Variants in NKAIN2 observed in about 807,000 individuals in gnomAD.
NKAIN2 encodes sodium/potassium transporting ATPase interacting 2.
In NKAIN2, 14 loss-of-function variants were observed where a neutral mutation model predicts 32.6. The ratio of observed to expected loss-of-function variants is 0.43; its 90% CI spans 0.28 to 0.67. NKAIN2 has a LOEUF of 0.67. Ranked by LOEUF, NKAIN2 falls within the 30% of genes least tolerant of loss-of-function variation. NKAIN2 has a pLI of 0.17. For missense variants in NKAIN2, 198 were observed against 258.3 expected (o/e 0.77, Z 1.60); for synonymous variants, 80 against 87.2 (o/e 0.92, Z 0.46).
chr6:123,886,499 CAG>C (rs1349242646), intron 1 of NKAIN2, among the ~76,000 whole-genome samples: 1 of 152,040 alleles, frequency 6.6e-6, no homozygotes, highest in Non-Finnish European at 1.5e-5. Flanking sequence ...AAGGAAAATG[CAG>C]AATGCATCAA....
chr6:124,446,337 TTTTG>T (rs71021492), intron 3 of NKAIN2, among the ~76,000 whole-genome samples: 36,251 of 151,104 alleles, frequency 0.24, 4,780 homozygotes, highest in Middle Eastern at 0.31. Context: ...TATATAAGTT[TTTTG>T]TTTGTTTGTT....
intron 4 of NKAIN2, among the ~76,000 whole-genome samples, chr6:124,730,799 G>T (rs967962345): frequency 4.6e-5 from 7 of 151,708 alleles, no homozygotes; most frequent in Non-Finnish European, 7.4e-5. Context: ...GAAAATTTTT[G>T]CAACCTACTC....
At chr6:123,840,886 G>A (rs1227473494) in intron 1 of NKAIN2, among the ~76,000 whole-genome samples, 1 of 152,090 alleles carries the variant, frequency 6.6e-6, no homozygotes, top group African/African-American at 2.4e-5. Flanking sequence ...ACTTTTCAAA[G>A]TGTAGTCTAG....
At chr6:124,433,634 A>C (rs1016204910) in intron 3 of NKAIN2, among the ~76,000 whole-genome samples, 1 of 152,152 alleles carries the variant, frequency 6.6e-6, no homozygotes, top group Non-Finnish European at 1.5e-5. Flanking sequence ...CCTATCACTG[A>C]CAGCCAAGAT....
intron 1 of NKAIN2, among the ~76,000 whole-genome samples, chr6:123,969,563 C>T (rs1272512047): frequency 4.6e-5 from 7 of 152,056 alleles, no homozygotes; most frequent in African/African-American, 1.7e-4. Flanking sequence ...TTGTTTTTCT[C>T]TCATGGTTTC....
chr6:124,331,902 T>G (rs900096368), intron 2 of NKAIN2, among the ~76,000 whole-genome samples: 38 of 152,128 alleles, frequency 2.5e-4, no homozygotes, highest in African/African-American at 8.9e-4. Context: ...AAAACTCAAT[T>G]TTACCCTTGA....
chr6:124,330,582 A>G (rs1327385879), intron 2 of NKAIN2, among the ~76,000 whole-genome samples: 1 of 152,186 alleles, frequency 6.6e-6, no homozygotes, highest in Non-Finnish European at 1.5e-5. Context: ...TACTTTGGCT[A>G]AGGGTAATTC....
intron 1 of NKAIN2, among the ~76,000 whole-genome samples, chr6:124,232,312 G>C (rs777847943): frequency 2.0e-5 from 3 of 152,118 alleles, no homozygotes; most frequent in African/African-American, 7.2e-5. Flanking sequence ...AGGTTTGCTA[G>C]ATGAACTAGA....
At chr6:123,924,435 CAAAG>C (rs1174637741) in intron 1 of NKAIN2, among the ~76,000 whole-genome samples, 2 of 152,176 alleles carry the variant, frequency 1.3e-5, no homozygotes, top group African/African-American at 2.4e-5. Context: ...TCATCTGTAA[CAAAG>C]AAAGAATCTT....
chr6:124,804,551 C>T (rs1487822495), intron 5 of NKAIN2: 1 of 247,128 alleles, frequency 4.0e-6, no homozygotes, highest in South Asian at 1.5e-4. Flanking sequence ...GTCTACAGCT[C>T]CCAGCGTGAG....
At chr6:124,568,249 A>C (rs1281184827) in intron 3 of NKAIN2, among the ~76,000 whole-genome samples, 1 of 152,212 alleles carries the variant, frequency 6.6e-6, no homozygotes, top group Non-Finnish European at 1.5e-5. Context: ...ATTGAAACCA[A>C]TAATTCAATC....
intron 1 of NKAIN2, among the ~76,000 whole-genome samples, chr6:124,276,244 A>G (rs1218388955): frequency 1.3e-5 from 2 of 151,792 alleles, no homozygotes; most frequent in African/African-American, 2.4e-5. Context: ...ATTAGGATAA[A>G]TTATTATTTT....
chr6:124,451,004 A>G (rs1358789745), intron 3 of NKAIN2, among the ~76,000 whole-genome samples: 4 of 152,132 alleles, frequency 2.6e-5, no homozygotes, highest in African/African-American at 9.7e-5. Flanking sequence ...TGCAAAAAAT[A>G]TGACTAAAAC....
intron 1 of NKAIN2, among the ~76,000 whole-genome samples, chr6:123,942,772 G>A (rs1446457187): frequency 6.6e-6 from 1 of 151,920 alleles, no homozygotes; most frequent in African/African-American, 2.4e-5. Context: ...ATAATCCTAT[G>A]AGCCATGATT....
chr6:124,157,594 A>G lies in NKAIN2; in HGVS notation c.55-125411A>G, dbSNP rs182830893. Among the ~76,000 whole-genome samples, 50 of 152,280 alleles carry G rather than the reference A, an allele frequency of 3.3e-4. 1 individual carries two copies. The East Asian group carries it at 7.1e-3, about 22-fold the overall frequency. On this transcript the variant is annotated intron_variant, in intron 1 of 6. Transcript: ENST00000368417. The stretch of plus-strand genomic sequence containing the variant: ...CCAAGGATCACTGACACATGATTGC[A>G]TATGTTGTCAACTGTTCTCCCTTGA...
At chr6:123,867,004 A>G (rs1171992457) in intron 1 of NKAIN2, among the ~76,000 whole-genome samples, 2 of 152,178 alleles carry the variant, frequency 1.3e-5, no homozygotes, top group African/African-American at 2.4e-5. Context: ...TGCTGCTTAC[A>G]TAAATGACTT....
intron 3 of NKAIN2, among the ~76,000 whole-genome samples, chr6:124,424,293 G>A (rs1229306649): frequency 6.6e-6 from 1 of 152,074 alleles, no homozygotes; most frequent in Admixed American, 6.5e-5. Context: ...GTCTAAAGGG[G>A]TATAATGTGC....
At position 123,951,842 on chromosome 6, in the gene NKAIN2, G is replaced by A. The variant is rs554741000; in HGVS notation, c.54+147588G>A. ...TTTTATTCCTATACTTTTATTAATT[G>A]TTGATTTATGGTTATTTTATGTTTC... On this transcript the variant is annotated intron_variant, in intron 1 of 6. Transcript: ENST00000368417. Among the ~76,000 whole-genome samples, 43 of 151,522 alleles carry A rather than the reference G, an allele frequency of 2.8e-4. No individual in the cohort carries two copies. In the South Asian group the frequency reaches 8.8e-3, roughly 31 times the overall value.
chr6:124,254,109 C>T (rs1459894610), intron 1 of NKAIN2, among the ~76,000 whole-genome samples: 1 of 151,756 alleles, frequency 6.6e-6, no homozygotes, highest in Non-Finnish European at 1.5e-5. Context: ...TGAGCCACCG[C>T]TCCCGGCTAA....
Sources: gnomAD v4.1 joint callset for allele counts (sites outside exome capture counted in the v4.1 genomes callset) on GRCh38, gnomAD v4.1.1 for gene constraint, MANE v1.5 for transcripts, NCBI Gene and HGNC (gene_info 2026-07-23, HGNC 2026-07-21) for gene names.